MDGA2: variants seen among roughly 807,000 people sequenced by gnomAD.
MDGA2 encodes the protein MAM domain-containing glycosylphosphatidylinositol anchor protein 2.
Under a neutral mutation model 117.8 loss-of-function variants are expected in MDGA2, and 40 were observed. The ratio of observed to expected loss-of-function variants is 0.34; its 90% CI spans 0.26 to 0.44. MDGA2 has a LOEUF of 0.44. Ranked by LOEUF, MDGA2 falls within the 20% of genes least tolerant of loss-of-function variation. MDGA2 has a pLI of 1.00. For synonymous variants in MDGA2, 452 were observed against 439.0 expected (o/e 1.03, Z -0.37); for missense variants, 1,123 against 1,250.6 (o/e 0.90, Z 1.54).
intron 3 of MDGA2, among the ~76,000 whole-genome samples, chr14:47,197,770 A>G (rs537018919): frequency 6.6e-6 from 1 of 152,158 alleles, no homozygotes; most frequent in African/African-American, 2.4e-5. Context: ...TTAGCTGGGC[A>G]TGGTGGTGTG....
At chr14:47,385,608 G>C (rs754262283) in intron 1 of MDGA2, among the ~76,000 whole-genome samples, 1 of 152,086 alleles carries the variant, frequency 6.6e-6, no homozygotes, top group Non-Finnish European at 1.5e-5. Flanking sequence ...AAGTAGTTCA[G>C]AAGAAAGGTG....
intron 1 of MDGA2, among the ~76,000 whole-genome samples, chr14:47,585,858 T>C (rs991371968): frequency 6.6e-6 from 1 of 151,858 alleles, no homozygotes; most frequent in Non-Finnish European, 1.5e-5. Context: ...AGCTTACACA[T>C]CATTCAATCT....
At chr14:47,241,390 C>A (rs1887034941) in intron 2 of MDGA2, among the ~76,000 whole-genome samples, 2 of 151,750 alleles carry the variant, frequency 1.3e-5, no homozygotes, top group Admixed American at 1.3e-4. Flanking sequence ...GGGCCAACTC[C>A]CTGGGACTTA....
chr14:46,917,220 C>T (rs1883935027), intron 10 of MDGA2, among the ~76,000 whole-genome samples: 1 of 152,104 alleles, frequency 6.6e-6, no homozygotes, highest in Non-Finnish European at 1.5e-5. Context: ...AAAACCATGA[C>T]TTGAAATAAT....
chr14:47,512,543 T>A (rs1472841623), intron 1 of MDGA2, among the ~76,000 whole-genome samples: 1 of 152,182 alleles, frequency 6.6e-6, no homozygotes, highest in Non-Finnish European at 1.5e-5. Context: ...TTTGAATGAC[T>A]TATTAAGAGA....
At chr14:46,883,656 A>G (rs1405759795) in intron 10 of MDGA2, among the ~76,000 whole-genome samples, 1 of 151,972 alleles carries the variant, frequency 6.6e-6, no homozygotes, top group Non-Finnish European at 1.5e-5. Context: ...CTCTCACTCT[A>G]TCCTTCCATA....
intron 6 of MDGA2, among the ~76,000 whole-genome samples, chr14:47,079,832 C>T (rs565699537): frequency 6.1e-5 from 9 of 147,962 alleles, no homozygotes; most frequent in Non-Finnish European, 1.0e-4. Flanking sequence ...TCCAGGTTCA[C>T]GCCATTCTCC....
intron 2 of MDGA2, among the ~76,000 whole-genome samples, chr14:47,293,783 T>C (rs1214131079): frequency 1.3e-5 from 2 of 152,146 alleles, no homozygotes; most frequent in Non-Finnish European, 2.9e-5. Context: ...TGAACAAAAA[T>C]AACTTTTCTT....
intron 10 of MDGA2, among the ~76,000 whole-genome samples, chr14:46,887,847 A>G (rs2138408955): frequency 6.6e-6 from 1 of 152,106 alleles, no homozygotes; most frequent in East Asian, 1.9e-4. Context: ...ACAAAAATAT[A>G]TACAGAATAA....
intron 1 of MDGA2, among the ~76,000 whole-genome samples, chr14:47,618,106 T>A (rs1356065705): frequency 2.6e-5 from 4 of 152,110 alleles, no homozygotes; most frequent in Non-Finnish European, 2.9e-5. Flanking sequence ...ATAATTATCA[T>A]CATTATGGCC....
chr14:46,855,182 G>A lies in MDGA2; in HGVS notation c.2753-28C>T. 2 of 1,576,076 alleles carry A rather than the reference G, an allele frequency of 1.3e-6. No individual in the cohort carries two copies. Among genetic ancestry groups the A allele is most frequent in the Non-Finnish European group, 1.7e-6 (2 of 1,163,876 alleles). On this transcript the variant is annotated intron_variant, in intron 14 of 16. Transcript: ENST00000399232. This position sits in a 1 kb window ranked among gnomAD's most constrained non-coding sequence, Gnocchi z 4.1. ...AAAAATGACAATAAAATTTTATTTT[G>A]CATATTCATTTTCACCTCAAATTTG... is the stretch of plus-strand genomic sequence containing the variant.
At chr14:47,373,254 C>T (rs1891404899) in intron 1 of MDGA2, among the ~76,000 whole-genome samples, 2 of 151,786 alleles carry the variant, frequency 1.3e-5, no homozygotes, top group Admixed American at 1.3e-4. Context: ...AAAATTGTGA[C>T]AATTAAGATC....
chr14:47,023,663 A>C (rs1167112423), intron 8 of MDGA2, among the ~76,000 whole-genome samples: 1 of 152,202 alleles, frequency 6.6e-6, no homozygotes, highest in African/African-American at 2.4e-5. Context: ...TAGAGAGGAG[A>C]GGAATCTTTT....
intron 1 of MDGA2, among the ~76,000 whole-genome samples, chr14:47,628,370 G>A (rs755539197): frequency 3.4e-4 from 51 of 152,186 alleles, no homozygotes; most frequent in Non-Finnish European, 7.3e-5. Flanking sequence ...GAACACGTTG[G>A]TTTTGTTCAC....
chr14:47,399,286 T>A (rs1176563311), intron 1 of MDGA2, among the ~76,000 whole-genome samples: 2 of 152,164 alleles, frequency 1.3e-5, no homozygotes, highest in Non-Finnish European at 2.9e-5. Flanking sequence ...GGAAGGGGTC[T>A]GACATTGAAA....
At chr14:47,568,654 C>A (rs916247037) in intron 1 of MDGA2, among the ~76,000 whole-genome samples, 2 of 152,126 alleles carry the variant, frequency 1.3e-5, no homozygotes, top group African/African-American at 4.8e-5. Flanking sequence ...TAAATAATTT[C>A]TGTTAAGAAA....
chr14:47,135,035 T>C (rs928480046), intron 4 of MDGA2, among the ~76,000 whole-genome samples: 31 of 152,196 alleles, frequency 2.0e-4, no homozygotes, highest in Non-Finnish European at 3.5e-4. Flanking sequence ...CAATTTGCAT[T>C]TTCTGAATAA....
intron 1 of MDGA2, among the ~76,000 whole-genome samples, chr14:47,356,466 A>G (rs534909559): frequency 3.0e-4 from 46 of 152,240 alleles, no homozygotes; most frequent in Non-Finnish European, 5.7e-4. Context: ...AACTTCTCCC[A>G]TGTTATAGCT....
At chr14:47,287,584 A>G (rs1888731234) in intron 2 of MDGA2, among the ~76,000 whole-genome samples, 1 of 152,126 alleles carries the variant, frequency 6.6e-6, no homozygotes, top group Non-Finnish European at 1.5e-5. Flanking sequence ...ACAACATATT[A>G]TTATTAACTA....
Sources: allele counts gnomAD v4.1 joint callset (sites outside exome capture counted in the v4.1 genomes callset), GRCh38; gene constraint gnomAD v4.1.1; non-coding constraint Gnocchi (gnomAD v3.1); transcripts MANE v1.5; gene names NCBI Gene and HGNC (gene_info 2026-07-23, HGNC 2026-07-21).